Variants in AGBL1 observed in about 807,000 individuals in gnomAD.
The protein encoded by AGBL1 is AGBL carboxypeptidase 1.
Under a neutral mutation model 118.9 loss-of-function variants are expected in AGBL1, and 130 were observed. That is an observed-to-expected ratio of 1.09 (90% CI 0.95 to 1.26). The LOEUF is 1.26. Among genes scored for constraint, AGBL1 ranks in the 50% most tolerant of loss-of-function variants. The pLI, the probability that AGBL1 is intolerant of heterozygous loss-of-function variation, is 0.00. For synonymous variants in AGBL1, 555 were observed against 478.9 expected, an observed-to-expected ratio of 1.16 and a Z score of -2.08; for missense variants, 1,584 against 1,298.1, an observed-to-expected ratio of 1.22 and a Z score of -3.38.
intron 18 of AGBL1, among the ~76,000 whole-genome samples, chr15:86,462,165 T>G (rs971202608): frequency 2.6e-5 from 4 of 152,236 alleles, no homozygotes; most frequent in African/African-American, 9.6e-5. Flanking sequence ...GTTGAAATTC[T>G]GTCATTTCCA....
chr15:86,791,209 C>A lies in AGBL1; in HGVS notation c.3159-115878C>A, dbSNP rs189110934. Among the ~76,000 whole-genome samples, 462 of 152,286 alleles carry A rather than the reference C, an allele frequency of 3.0e-3. 1 individual carries two copies. Among genetic ancestry groups the A allele is most frequent in the Non-Finnish European group, 4.9e-3 (334 of 68,014 alleles). On this transcript the variant is annotated intron_variant, in intron 22 of 22. Transcript: ENST00000614907. Reference sequence around the variant, plus strand: ...ATGACCTGGTCACTTTAGTAAGCTACTTAGGTCTGAAGATAAGTTTCCCAA... The same window carrying A: ...ATGACCTGGTCACTTTAGTAAGCTAATTAGGTCTGAAGATAAGTTTCCCAA...
chr15:86,188,910 A>T (rs2077673612), intron 5 of AGBL1, among the ~76,000 whole-genome samples: 1 of 152,206 alleles, frequency 6.6e-6, no homozygotes, highest in African/African-American at 2.4e-5. Context: ...ACAGATTTAT[A>T]TGCTGTTTCT....
chr15:86,863,402 C>A (rs1193597164), intron 22 of AGBL1, among the ~76,000 whole-genome samples: 1 of 152,130 alleles, frequency 6.6e-6, no homozygotes, highest in African/African-American at 2.4e-5. Context: ...GCAGCTGCAA[C>A]TGTGACTCAG....
At chr15:86,499,311 C>T (rs1045506732) in intron 18 of AGBL1, among the ~76,000 whole-genome samples, 6 of 151,834 alleles carry the variant, frequency 4.0e-5, no homozygotes, top group African/African-American at 1.5e-4. Context: ...CTAATCTCTC[C>T]TCAAGAAGTG....
At chr15:86,992,203 A>G (rs1596716223) in intron 24 of AGBL1, among the ~76,000 whole-genome samples, 1 of 151,290 alleles carries the variant, frequency 6.6e-6, no homozygotes. Context: ...ACCAGATCTC[A>G]TGTGCTCTCA....
chr15:86,208,907 T>G lies in AGBL1; in HGVS notation c.489-16007T>G, dbSNP rs2078042942. 2.0e-5 allele frequency among the ~76,000 whole-genome samples: 3 copies of G among 152,238 alleles called. No homozygotes were observed. In the South Asian group the frequency reaches 6.2e-4, roughly 31 times the overall value. On this transcript the variant is annotated intron_variant, in intron 5 of 22. Coordinates refer to ENST00000614907, the MANE Select transcript of AGBL1 (RefSeq NM_001386094.1). ...TCTCTACTTCTTTTAATTGTGATGTTAGGGTGTCGATTTTAGATCTTTCCT... is the reference window on the plus strand; with the variant it reads ...TCTCTACTTCTTTTAATTGTGATGTGAGGGTGTCGATTTTAGATCTTTCCT...
chr15:86,554,087 C>T (rs762016407), intron 20 of AGBL1, among the ~76,000 whole-genome samples: 3 of 151,880 alleles, frequency 2.0e-5, no homozygotes, highest in Non-Finnish European at 2.9e-5. Context: ...TTTGAACTCC[C>T]GCCCTCAGGT....
At chr15:86,301,686 GTGTGTGT>G (rs2079749390) in intron 17 of AGBL1, among the ~76,000 whole-genome samples, 1 of 115,514 alleles carries the variant, frequency 8.7e-6, no homozygotes, top group Non-Finnish European at 1.9e-5. Flanking sequence ...GTGTGTGTGT[GTGTGTGT>G]GATGTCAAAC....
At chr15:86,779,759 T>C (rs2078306001) in intron 22 of AGBL1, among the ~76,000 whole-genome samples, 1 of 152,198 alleles carries the variant, frequency 6.6e-6, no homozygotes, top group African/African-American at 2.4e-5. Context: ...TTTCCATTTT[T>C]TTCAGATGAC....
At chr15:86,258,365 AAG>A (rs2078930979) in intron 9 of AGBL1, among the ~76,000 whole-genome samples, 1 of 152,168 alleles carries the variant, frequency 6.6e-6, no homozygotes, top group South Asian at 2.1e-4. Context: ...AGACCCTAGA[AAG>A]ATTTTCCAGG....
At chr15:86,758,580 A>G (rs2077976454) in intron 22 of AGBL1, among the ~76,000 whole-genome samples, 1 of 152,112 alleles carries the variant, frequency 6.6e-6, no homozygotes, top group South Asian at 2.1e-4. Context: ...GCATCTGTTG[A>G]AAGTTTGAAT....
Position 86,914,832 on chromosome 15 carries a change from T to C in AGBL1, c.*7538T>C, listed in dbSNP as rs1030150767. 6.6e-6 allele frequency: 1 copy of C among 152,176 alleles called. No individual in the cohort carries two copies. Among genetic ancestry groups the C allele is most frequent in the Non-Finnish European group, 1.5e-5 (1 of 68,032 alleles). 9.4% of individuals were successfully genotyped at this position (152,176 alleles called of 1,614,324 possible). A position where few individuals can be genotyped will look rare whatever the true frequency, so the allele number is the denominator to read the frequency against. ...GAGAGGTTATGGAGCAAGTCTCCATTTCTAGGAAAGTGTGTTGTTCTTGTA... is the reference window on the plus strand; with the variant it reads ...GAGAGGTTATGGAGCAAGTCTCCATCTCTAGGAAAGTGTGTTGTTCTTGTA... On this transcript the variant is annotated 3_prime_UTR_variant, in exon 23 of 23. Transcript: ENST00000614907.
At chr15:86,854,846 T>A (rs1424631899) in intron 22 of AGBL1, among the ~76,000 whole-genome samples, 2 of 152,198 alleles carry the variant, frequency 1.3e-5, no homozygotes, top group Non-Finnish European at 2.9e-5. Context: ...TCACTGATTT[T>A]TGATGATTCG....
chr15:86,421,539 G>T (rs1447972761), intron 18 of AGBL1, among the ~76,000 whole-genome samples: 4 of 152,160 alleles, frequency 2.6e-5, no homozygotes, highest in Admixed American at 2.6e-4. Flanking sequence ...TGAAGAAACT[G>T]CACCAACTAA....
intron 22 of AGBL1, among the ~76,000 whole-genome samples, chr15:86,711,900 T>C (rs2086566036): frequency 6.6e-6 from 1 of 152,210 alleles, no homozygotes; most frequent in Non-Finnish European, 1.5e-5. Flanking sequence ...AGAGCAGCTA[T>C]CACATATGTC....
chr15:86,707,703 G>A (rs1053350694), intron 22 of AGBL1, among the ~76,000 whole-genome samples: 3 of 152,080 alleles, frequency 2.0e-5, no homozygotes, highest in Admixed American at 6.6e-5. Flanking sequence ...AAATATTGAA[G>A]CAACATTGCA....
At chr15:86,878,060 A>G (rs1386371619) in intron 22 of AGBL1, among the ~76,000 whole-genome samples, 1 of 152,196 alleles carries the variant, frequency 6.6e-6, no homozygotes, top group East Asian at 1.9e-4. Context: ...AATACCTCCA[A>G]GAGGGACTGA....
intron 22 of AGBL1, among the ~76,000 whole-genome samples, chr15:86,676,951 G>C (rs1406575989): frequency 2.0e-5 from 3 of 152,060 alleles, no homozygotes; most frequent in African/African-American, 7.2e-5. Context: ...GGGAGGCGGA[G>C]GTTGCAGTGA....
intron 22 of AGBL1, among the ~76,000 whole-genome samples, chr15:86,776,645 A>G (rs75966184): frequency 0.12 from 18,015 of 151,090 alleles, 1,293 homozygotes; most frequent in East Asian, 0.31. Flanking sequence ...TATTTATGGA[A>G]AAAAGATTTT....
Sources: gnomAD v4.1 joint callset for allele counts (sites outside exome capture counted in the v4.1 genomes callset) on GRCh38, gnomAD v4.1.1 for gene constraint, MANE v1.5 for transcripts, NCBI Gene and HGNC (gene_info 2026-07-23, HGNC 2026-07-21) for gene names.